GAB2: variants seen among roughly 807,000 people sequenced by gnomAD.
GAB2 encodes the protein GRB2 associated binding protein 2.
In GAB2, 26 loss-of-function variants were observed where a neutral mutation model predicts 65.5. The ratio of observed to expected loss-of-function variants is 0.40; its 90% CI spans 0.29 to 0.55. The LOEUF (loss-of-function observed/expected upper bound fraction) is 0.55. GAB2 is among the 20% of genes least tolerant of loss of function. The pLI is 0.53. For synonymous variants in GAB2, 321 were observed against 329.6 expected, an observed-to-expected ratio of 0.97 and a Z score of 0.28; for missense variants, 884 against 875.8, an observed-to-expected ratio of 1.01 and a Z score of -0.12.
At chr11:78,299,922 TTTTTTC>T (rs1866945468) in intron 1 of GAB2, among the ~76,000 whole-genome samples, 1 of 152,234 alleles carries the variant, frequency 6.6e-6, no homozygotes, top group South Asian at 2.1e-4. Flanking sequence ...CTGATCCTTT[TTTTTTC>T]TTTTGTTTCC....
intron 2 of GAB2, among the ~76,000 whole-genome samples, chr11:78,260,282 A>C (rs923255862): frequency 2.0e-5 from 3 of 152,194 alleles, no homozygotes; most frequent in African/African-American, 7.2e-5. Flanking sequence ...GATGCATACG[A>C]TCTCACAGTA....
chr11:78,406,295 C>T (rs1857043388), intron 1 of GAB2, among the ~76,000 whole-genome samples: 2 of 152,144 alleles, frequency 1.3e-5, no homozygotes, highest in Admixed American at 1.3e-4. Context: ...CCGATGATTG[C>T]AGCAGGGTCA....
intron 8 of GAB2, among the ~76,000 whole-genome samples, chr11:78,221,053 G>A (rs906802752): frequency 1.3e-5 from 2 of 152,118 alleles, no homozygotes; most frequent in Non-Finnish European, 1.5e-5. Flanking sequence ...CAGATGACAC[G>A]CTCTAGGATC....
chr11:78,403,084 G>A (rs1482953521), intron 1 of GAB2, among the ~76,000 whole-genome samples: 1 of 152,242 alleles, frequency 6.6e-6, no homozygotes, highest in African/African-American at 2.4e-5. Context: ...GAATGTGTCA[G>A]TGCCTTGATC....
chr11:78,224,986 T>G lies in GAB2; in HGVS notation c.1302+122A>C, dbSNP rs1166895954. On this transcript the variant is annotated intron_variant, in intron 5 of 9. Coordinates refer to ENST00000361507, the MANE Select transcript of GAB2 (RefSeq NM_080491.3). ...CAGGGTTCTGAACTGAGACAAGAAC[T>G]TGGGCAGGGTCCTAAGATGGAGACG... is the stretch of plus-strand genomic sequence containing the variant. 3 of 658,620 alleles carry G rather than the reference T, an allele frequency of 4.6e-6. No homozygotes were observed. In the African/African-American group the frequency reaches 5.4e-5, roughly 12 times the overall value. 40.8% of individuals were successfully genotyped at this position (658,620 alleles called of 1,614,324 possible). A position where few individuals can be genotyped will look rare whatever the true frequency, so the allele number is the denominator to read the frequency against.
intron 1 of GAB2, among the ~76,000 whole-genome samples, chr11:78,385,377 A>G (rs1856752953): frequency 6.6e-6 from 1 of 152,224 alleles, no homozygotes; most frequent in African/African-American, 2.4e-5. Flanking sequence ...CACTGAAGAG[A>G]AACTCTATAA....
chr11:78,320,346 T>C (rs1855699029), intron 1 of GAB2, among the ~76,000 whole-genome samples: 1 of 152,002 alleles, frequency 6.6e-6, no homozygotes, highest in South Asian at 2.1e-4. Context: ...AAGAAACAGG[T>C]AATTATGATA....
chr11:78,227,879 T>C (rs977047893), intron 3 of GAB2, among the ~76,000 whole-genome samples: 12 of 152,148 alleles, frequency 7.9e-5, no homozygotes, highest in Non-Finnish European at 1.8e-4. Context: ...CCATGATTTA[T>C]GGTTGGTTAA....
At chr11:78,401,063 T>C (rs1175618915) in intron 1 of GAB2, among the ~76,000 whole-genome samples, 1 of 152,032 alleles carries the variant, frequency 6.6e-6, no homozygotes, top group East Asian at 1.9e-4. Context: ...TCTTTTCTCT[T>C]GGGTTAGAAA....
chr11:78,334,669 T>C (rs905679126), intron 1 of GAB2, among the ~76,000 whole-genome samples: 1 of 152,250 alleles, frequency 6.6e-6, no homozygotes, highest in African/African-American at 2.4e-5. Context: ...GACACTTAGG[T>C]TGTTTCCAAG....
intron 1 of GAB2, among the ~76,000 whole-genome samples, chr11:78,344,990 A>G (rs916340876): frequency 6.6e-6 from 1 of 152,208 alleles, no homozygotes; most frequent in Non-Finnish European, 1.5e-5. Context: ...AATAAACTGT[A>G]CCCAGGCTGG....
rs1287348968 is a variant in GAB2 at position 78,250,264 on chromosome 11, C to T, written c.513G>A (p.Thr171=). ...PSHSSQPTLF[T]FEPPVSNHMQ... ...TGTGGTTTGACACAGGGGGTTCAAA[C>T]GTGAACAGAGTTGGCTGGCTGGAGT... Residue 171 remains threonine (T), a synonymous_variant, in exon 3 of 10, where the codon ACG becomes ACA. Coordinates refer to ENST00000361507, the MANE Select transcript of GAB2 (RefSeq NM_080491.3). 7 of 1,613,446 alleles carry T rather than the reference C, an allele frequency of 4.3e-6. No individual in the cohort carries two copies. The highest frequency in any genetic ancestry group is 2.2e-5 in the East Asian group (1 of 44,846).
chr11:78,239,336 T>A (rs1865067861), intron 3 of GAB2, among the ~76,000 whole-genome samples: 1 of 152,184 alleles, frequency 6.6e-6, no homozygotes, highest in Non-Finnish European at 1.5e-5. Flanking sequence ...TTCTCCTGCC[T>A]CAGCCTCCCG....
intron 1 of GAB2, among the ~76,000 whole-genome samples, chr11:78,314,086 G>A (rs1855553275): frequency 6.6e-6 from 1 of 152,192 alleles, no homozygotes; most frequent in Admixed American, 6.5e-5. Flanking sequence ...AAAAGCACAA[G>A]GCCAGGAGGG....
intron 1 of GAB2, among the ~76,000 whole-genome samples, chr11:78,361,484 AT>A (rs1263676346): frequency 1.3e-5 from 2 of 150,596 alleles, no homozygotes; most frequent in East Asian, 3.8e-4. Context: ...AGTCATAAAT[AT>A]TTCGCTAAAA....
intron 1 of GAB2, among the ~76,000 whole-genome samples, chr11:78,327,079 G>A (rs1485931427): frequency 6.6e-6 from 1 of 152,120 alleles, no homozygotes; most frequent in Non-Finnish European, 1.5e-5. Context: ...TAGCGCAAAT[G>A]CATCATGTCT....
intron 1 of GAB2, among the ~76,000 whole-genome samples, chr11:78,287,573 T>C (rs997384542): frequency 4.6e-5 from 7 of 151,592 alleles, no homozygotes; most frequent in African/African-American, 1.7e-4. Context: ...CCAGCAAACC[T>C]GGCCTATACT....
rs574675162 is a variant in GAB2 at position 78,288,812 on chromosome 11, A to G, written c.76-7911T>C. Among the ~76,000 whole-genome samples, 177 of 152,356 alleles carry G rather than the reference A, an allele frequency of 1.2e-3. 1 individual carries two copies. Among genetic ancestry groups the G allele is most frequent in the African/African-American group, 4.0e-3 (167 of 41,580 alleles). The stretch of plus-strand genomic sequence containing the variant: ...ATCCCACAAGAATGTCTGTAGATGT[A>G]CGTAAGATTGTTCTAAAATGTATAT... On this transcript the variant is annotated intron_variant, in intron 1 of 9. Transcript: ENST00000361507.
At position 78,322,052 on chromosome 11, in the gene GAB2, C is replaced by T. The variant is rs149486699; in HGVS notation, c.76-41151G>A. ...GGGCACAGTGGCCCACATCTGTAAT[C>T]CCAGCACTCTGGGAGGCCGAGGTGG... On this transcript the variant is annotated intron_variant, in intron 1 of 9. Coordinates refer to ENST00000361507, the MANE Select transcript of GAB2 (RefSeq NM_080491.3). Among the ~76,000 whole-genome samples, 926 of 152,072 alleles carry T rather than the reference C, an allele frequency of 6.1e-3. 8 individuals carry two copies. The highest frequency in any genetic ancestry group is 0.021 in the African/African-American group (870 of 41,504).
Sources: allele counts gnomAD v4.1 joint callset (sites outside exome capture counted in the v4.1 genomes callset), GRCh38; gene constraint gnomAD v4.1.1; transcripts MANE v1.5; gene names NCBI Gene and HGNC (gene_info 2026-07-23, HGNC 2026-07-21).